NPHS2: variants seen among roughly 807,000 people sequenced by gnomAD.
The protein encoded by NPHS2 is podocin.
In NPHS2, 36 loss-of-function variants were observed where a neutral mutation model predicts 37.1. That is an observed-to-expected ratio of 0.97 (90% CI 0.74 to 1.28). The LOEUF (loss-of-function observed/expected upper bound fraction) is 1.28, where lower values mean the gene tolerates loss of function less well. Ranked by LOEUF, NPHS2 falls within the 50% of genes most tolerant of loss-of-function variation. NPHS2 has a pLI of 0.00. For synonymous variants in NPHS2, 196 were observed against 189.3 expected (o/e 1.04, Z -0.29); for missense variants, 447 against 488.1 (o/e 0.92, Z 0.79).
intron 1 of NPHS2, among the ~76,000 whole-genome samples, chr1:179,571,220 A>C (rs1167923666): frequency 1.3e-5 from 2 of 152,110 alleles, no homozygotes; most frequent in Non-Finnish European, 2.9e-5. Flanking sequence ...TTTGGTCTTT[A>C]ATGTTGGTGA....
In NPHS2 at chr1:179,557,231, C is replaced by A. The variant is rs1291398331; in HGVS notation, c.535-1G>T. ...TTATAAACATGTCTTTGGTCACGAT[C>A]TAGGCAGAAAAAAGTTTGGATGACA... On this transcript the variant is annotated splice_acceptor_variant, in intron 4 of 7. Transcript: ENST00000367615. LOFTEE classifies it high-confidence loss of function. The A allele has an allele frequency of 1.9e-6, 3 of 1,613,656 alleles. No homozygotes were observed. The highest frequency in any genetic ancestry group is 2.5e-6 in the Non-Finnish European group (3 of 1,179,794).
At chr1:179,566,764 G>A (rs894452199) in intron 1 of NPHS2, among the ~76,000 whole-genome samples, 1 of 152,168 alleles carries the variant, frequency 6.6e-6, no homozygotes, top group African/African-American at 2.4e-5. Context: ...AAGGGATCCA[G>A]TTTCAGCTTT....
At chr1:179,551,512 A>G in intron 7 of NPHS2, 61 bp from the exon 8 acceptor site, 14 of 1,595,298 alleles carry the variant, frequency 8.8e-6, no homozygotes, top group Non-Finnish European at 1.1e-5. Context: ...CTTCACCACT[A>G]TGCAGTATGA....
intron 1 of NPHS2, among the ~76,000 whole-genome samples, chr1:179,570,926 G>T (rs959679789): frequency 3.3e-5 from 5 of 152,148 alleles, no homozygotes; most frequent in African/African-American, 4.8e-5. Flanking sequence ...GTCATTTAAG[G>T]TCTTCTCTAT....
At chr1:179,558,518 A>G (rs1674019642) in intron 4 of NPHS2, among the ~76,000 whole-genome samples, 1 of 152,124 alleles carries the variant, frequency 6.6e-6, no homozygotes, top group South Asian at 2.1e-4. Context: ...CCTTTTGGTT[A>G]TTGTGAATAA....
chr1:179,555,658 G>T (rs1212122990), intron 5 of NPHS2, among the ~76,000 whole-genome samples: 2 of 152,168 alleles, frequency 1.3e-5, no homozygotes, highest in Non-Finnish European at 2.9e-5. Flanking sequence ...TCTTGCCTGT[G>T]GAGAAAAGGG....
chr1:179,572,608 A>C (rs922964770), intron 1 of NPHS2, among the ~76,000 whole-genome samples: 4 of 152,232 alleles, frequency 2.6e-5, no homozygotes, highest in African/African-American at 7.2e-5. Flanking sequence ...TAAATGTAAG[A>C]GTTATGAAAA....
intron 4 of NPHS2, among the ~76,000 whole-genome samples, chr1:179,558,088 AACTT>A (rs1460801859): frequency 6.6e-6 from 1 of 152,140 alleles, no homozygotes; most frequent in African/African-American, 2.4e-5. Flanking sequence ...TATACCATAA[AACTT>A]ACCATCTTAA....
intron 7 of NPHS2, 177 bp from the exon 8 acceptor site, chr1:179,551,628 CTG>C: frequency 1.5e-6 from 1 of 671,744 alleles, no homozygotes; most frequent in Non-Finnish European, 2.5e-6. Flanking sequence ...ACAGATTAAA[CTG>C]TTAATCACAA....
At chr1:179,575,519 C>A (rs1351474298) in intron 1 of NPHS2, 72 bp downstream of exon 1, 50 of 1,585,164 alleles carry the variant, frequency 3.2e-5, no homozygotes, top group Non-Finnish European at 4.3e-5. Context: ...GTGGGGATGA[C>A]CCTTTCCACC....
chr1:179,563,223 C>T (rs1317452877), intron 2 of NPHS2, among the ~76,000 whole-genome samples: 1 of 152,116 alleles, frequency 6.6e-6, no homozygotes, highest in East Asian at 1.9e-4. Flanking sequence ...ATGTTACTAG[C>T]AATAAAGTGG....
chr1:179,551,605 T>G, intron 7 of NPHS2, 154 bp from the exon 8 acceptor site: 1 of 825,816 alleles, frequency 1.2e-6, no homozygotes, highest in Non-Finnish European at 1.9e-6. Flanking sequence ...CTGAAGGGTC[T>G]TGAGCTGGGG....
At chr1:179,561,059 C>T (rs1176293627) in intron 3 of NPHS2, among the ~76,000 whole-genome samples, 1 of 152,240 alleles carries the variant, frequency 6.6e-6, no homozygotes, top group African/African-American at 2.4e-5. Flanking sequence ...GCAAGCCTTG[C>T]CCTGGCATGT....
chr1:179,566,945 C>T (rs975091508), intron 1 of NPHS2, among the ~76,000 whole-genome samples: 2 of 152,164 alleles, frequency 1.3e-5, no homozygotes, highest in African/African-American at 2.4e-5. Context: ...GGTAGCAATA[C>T]CATGCTGTTT....
At position 179,557,127 on chromosome 1, in the gene NPHS2, G is replaced by A. The variant is rs755756568; in HGVS notation, c.638C>T (p.Ala213Val). 2 of 1,614,090 alleles carry A rather than the reference G, an allele frequency of 1.2e-6. No homozygotes were observed. The highest frequency in any genetic ancestry group is 1.7e-6 in the Non-Finnish European group (2 of 1,179,966). ...AGTGGTTTGCACAAGGAATTGCACA[G>A]CTTTAGATACATGAGCAAGACTGCT... ...LLSSLAHVSKAVQFLVQTTMK... is the reference protein window; with the variant it reads ...LLSSLAHVSKVVQFLVQTTMK... The change falls in exon 5 of 8, where the codon GCT becomes GTT. Residue 213 changes from alanine to valine, a missense_variant. Ala to Val is a moderately conservative substitution (Grantham distance 64). Transcript: ENST00000367615.
chr1:179,559,586 C>G (rs980605138), intron 4 of NPHS2, 93 bp downstream of exon 4: 1 of 851,004 alleles, frequency 1.2e-6, no homozygotes, highest in Admixed American at 2.1e-5. Flanking sequence ...CATTATTTTT[C>G]TTTCCTATTT....
rs1332709949 is a variant in NPHS2, at chr1:179,564,721, G to A, written c.347C>T (p.Thr116Ile). 6.2e-7 allele frequency: 1 copy of A among 1,614,086 alleles called. No individual in the cohort carries two copies. Among genetic ancestry groups the A allele is most frequent in the Non-Finnish European group, 8.5e-7 (1 of 1,180,016 alleles). The change falls in exon 2 of 8, where the codon ACC becomes ATC. Residue 116 changes from threonine (T) to isoleucine (I), a missense_variant. Transcript: ENST00000367615. ...VLISLLFIIM[T>I]FPFSIWFCVK... Reference sequence around the variant, plus strand: ...GCAGAACCAGATGGAAAAAGGGAAGGTCATGATGATGAAGAGCAGGGAAAT... The same window carrying A: ...GCAGAACCAGATGGAAAAAGGGAAGATCATGATGATGAAGAGCAGGGAAAT...
rs776283625 is a variant in NPHS2 at position 179,564,805 on chromosome 1, TA to T, written c.275-13del. ...GGAGGATTTGGTACCTTAAAAAAAT[TA>T]AAGCAAAAGAATAATTATATTGAAA... On this transcript the variant is annotated splice_polypyrimidine_tract_variant and intron_variant, in intron 1 of 7. Coordinates refer to ENST00000367615, the MANE Select transcript of NPHS2 (RefSeq NM_014625.4). The T allele has an allele frequency of 2.5e-6, 4 of 1,600,728 alleles. No homozygotes were observed. In the African/African-American group the frequency reaches 5.4e-5, roughly 21 times the overall value.
In NPHS2 at chr1:179,562,974, C is replaced by T. The variant is rs773330178; in HGVS notation, c.379-1613G>A. 2.6e-5 allele frequency among the ~76,000 whole-genome samples: 4 copies of T among 152,248 alleles called. No individual in the cohort carries two copies. The East Asian group carries it at 7.7e-4, about 29-fold the overall frequency. On this transcript the variant is annotated intron_variant, in intron 2 of 7. Transcript: ENST00000367615. ...AAGTGACCAGATCTGAGAGCCTTTC[C>T]CAAAAACCATGGCTGAGTCAGTGTT...
Sources: allele counts gnomAD v4.1 joint callset (sites outside exome capture counted in the v4.1 genomes callset), GRCh38; gene constraint gnomAD v4.1.1; transcripts MANE v1.5; gene names NCBI Gene and HGNC (gene_info 2026-07-23, HGNC 2026-07-21).